The following WDR44 variants were observed in gnomAD, a reference collection of about 807,000 sequenced individuals.
WDR44 encodes the protein WD repeat-containing protein 44.
Under a neutral mutation model 65.7 loss-of-function variants are expected in WDR44, and 9 were observed. The observed-to-expected ratio is 0.14, with a 90% CI of 0.08 to 0.24. The LOEUF (loss-of-function observed/expected upper bound fraction) is 0.24. WDR44 is among the 10% of genes least tolerant of loss of function. WDR44 has a pLI of 1.00. For missense variants in WDR44, 425 were observed against 670.9 expected (o/e 0.63, Z 4.05); for synonymous variants, 220 against 235.2 (o/e 0.94, Z 0.59).
chrX:118,391,405 T>C (rs753255176), intron 3 of WDR44, among the ~76,000 whole-genome samples: 6 of 112,116 alleles, frequency 5.4e-5, no homozygotes, highest in Admixed American at 1.9e-4. Context: ...AAAACTAACA[T>C]ATAGAACATG....
chrX:118,423,682 C>T (rs1386519711), intron 12 of WDR44, among the ~76,000 whole-genome samples: 2 of 111,778 alleles, frequency 1.8e-5, no homozygotes, highest in African/African-American at 3.3e-5. Context: ...ACTGTATGCA[C>T]TGTGCTATAT....
At chrX:118,386,989 C>T (rs763516553) in intron 2 of WDR44, among the ~76,000 whole-genome samples, 1 of 109,673 alleles carries the variant, frequency 9.1e-6, no homozygotes, top group South Asian at 3.9e-4. Flanking sequence ...CAAGACCAGC[C>T]TGGCCAACAA....
At chrX:118,391,710 G>A (rs1230528940) in intron 3 of WDR44, among the ~76,000 whole-genome samples, 1 of 112,373 alleles carries the variant, frequency 8.9e-6, no homozygotes, top group Admixed American at 9.4e-5. Context: ...GGGGCCAGGC[G>A]CAGTGGCTCA....
intron 12 of WDR44, among the ~76,000 whole-genome samples, chrX:118,429,450 G>A (rs1201460991): frequency 9.2e-6 from 1 of 108,416 alleles, no homozygotes; most frequent in Admixed American, 1.0e-4. Flanking sequence ...TTAGATGGGT[G>A]TGGTGCTGTG....
chrX:118,439,065 C>T (rs1458071609), intron 14 of WDR44, among the ~76,000 whole-genome samples: 2 of 108,240 alleles, frequency 1.8e-5, no homozygotes, highest in South Asian at 4.2e-4. Context: ...GAATTACAGA[C>T]GTGAGCCACT....
intron 1 of WDR44, among the ~76,000 whole-genome samples, chrX:118,370,337 A>C (rs1291607423): frequency 9.0e-6 from 1 of 111,210 alleles, no homozygotes; most frequent in Non-Finnish European, 1.9e-5. Flanking sequence ...GAGGTGTTTC[A>C]GTCATGGGGC....
chrX:118,396,949 G>GTTT (rs762713572), intron 6 of WDR44, 21 bp from the exon 7 acceptor site: 5 of 903,514 alleles, frequency 5.5e-6, no homozygotes, highest in Admixed American at 3.7e-5. Context: ...TGGTGTGATT[G>GTTT]TTTTTTTTTT....
intron 12 of WDR44, among the ~76,000 whole-genome samples, chrX:118,427,625 C>G (rs990954380): frequency 1.7e-4 from 18 of 108,793 alleles, no homozygotes; most frequent in African/African-American, 6.0e-4. Context: ...AGAGAAACTG[C>G]TCTAGCCGTC....
intron 12 of WDR44, among the ~76,000 whole-genome samples, chrX:118,418,654 G>A (rs2057077716): frequency 9.0e-6 from 1 of 111,180 alleles, no homozygotes; most frequent in Non-Finnish European, 1.9e-5. Flanking sequence ...TTTTGTGCTG[G>A]TTGGCCTTCT....
chrX:118,352,539 A>T (rs1349757776), intron 1 of WDR44, among the ~76,000 whole-genome samples: 3 of 104,597 alleles, frequency 2.9e-5, no homozygotes, highest in African/African-American at 1.1e-4. Context: ...TTAGGATGTG[A>T]AGTATAGTGG....
In WDR44 at chrX:118,448,941, C is replaced by G; in HGVS notation, c.2696C>G (p.Thr899Ser). The G allele has an allele frequency of 8.3e-7, 1 of 1,199,950 alleles. No homozygotes were observed. The highest frequency in any genetic ancestry group is 1.1e-6 in the Non-Finnish European group (1 of 888,877). The change falls in exon 20 of 20, where the codon ACT (threonine) becomes AGT (serine). Residue 899 changes from threonine (T) to serine (S), a missense_variant. Around this residue, in one of 5 missense-constraint regions of WDR44, gnomAD observed 37 missense variants for 40.9 expected, o/e 0.90. Coordinates refer to ENST00000254029, the MANE Select transcript of WDR44 (RefSeq NM_019045.5). ...NTEVLLSADFTGAIKVFVNKR... is the reference protein window; with the variant it reads ...NTEVLLSADFSGAIKVFVNKR... ...GAAGTTCTTCTCTCTGCTGACTTCA[C>G]TGGAGCAATCAAAGTGTTTGTTAAT...
At chrX:118,347,584 A>G (rs1385402894) in intron 1 of WDR44, among the ~76,000 whole-genome samples, 2 of 112,337 alleles carry the variant, frequency 1.8e-5, no homozygotes, top group Non-Finnish European at 3.8e-5. Context: ...ATGTTAGTAT[A>G]AAGGACTAAT....
rs751341922 is a variant in WDR44 at position 118,372,130 on chromosome X, A to G, written c.78-6289A>G. On this transcript the variant is annotated intron_variant, in intron 1 of 19. Coordinates refer to ENST00000254029, the MANE Select transcript of WDR44 (RefSeq NM_019045.5). ...TGATTATATCCGTGTTTTATATAAT[A>G]TATTTCAAATTTAAGGGAAATTAGA... 1.2e-3 allele frequency among the ~76,000 whole-genome samples: 133 copies of G among 109,901 alleles called. 1 individual carries two copies. The highest frequency in any genetic ancestry group is 1.2e-3 in the Non-Finnish European group (63 of 52,775).
At chrX:118,427,472 A>G (rs1367383518) in intron 12 of WDR44, among the ~76,000 whole-genome samples, 3 of 107,458 alleles carry the variant, frequency 2.8e-5, no homozygotes, top group Non-Finnish European at 5.8e-5. Context: ...GGGTTTCACC[A>G]TGTTAGCCAG....
At chrX:118,355,832 A>G (rs2056454001) in intron 1 of WDR44, among the ~76,000 whole-genome samples, 2 of 111,496 alleles carry the variant, frequency 1.8e-5, no homozygotes, top group South Asian at 7.6e-4. Context: ...ACACACAGGT[A>G]CCAGTTCCTA....
At chrX:118,371,767 G>A (rs759697578) in intron 1 of WDR44, among the ~76,000 whole-genome samples, 9 of 110,223 alleles carry the variant, frequency 8.2e-5, no homozygotes, top group East Asian at 2.8e-4. Flanking sequence ...TTGGTTTGTC[G>A]GGTTTTCTTT....
chrX:118,367,110 T>G (rs1353485114), intron 1 of WDR44, among the ~76,000 whole-genome samples: 1 of 111,790 alleles, frequency 8.9e-6, no homozygotes, highest in African/African-American at 3.2e-5. Context: ...ATGAAATGGT[T>G]TCTGGGATTT....
intron 1 of WDR44, among the ~76,000 whole-genome samples, chrX:118,376,761 T>G (rs1330346174): frequency 9.0e-6 from 1 of 110,849 alleles, no homozygotes; most frequent in Non-Finnish European, 1.9e-5. Flanking sequence ...CTCAGCACTT[T>G]GGGAAGATGA....
chrX:118,390,068 T>TATTTATTA (rs1358364485), intron 3 of WDR44, among the ~76,000 whole-genome samples: 24 of 84,201 alleles, frequency 2.9e-4, no homozygotes, highest in Non-Finnish European at 5.0e-4. Context: ...TAATTTTTTA[T>TATTTATTA]ATTTATTTAT....
Sources: allele counts gnomAD v4.1 joint callset (sites outside exome capture counted in the v4.1 genomes callset), GRCh38; gene constraint gnomAD v4.1.1; regional missense constraint gnomAD v4.1.1; transcripts MANE v1.5; gene names NCBI Gene and HGNC (gene_info 2026-07-23, HGNC 2026-07-21).